The following MS4A4A variants were observed in gnomAD, a reference collection of about 807,000 sequenced individuals.
The protein encoded by MS4A4A is membrane-spanning 4-domains subfamily A member 4A.
In MS4A4A, 26 loss-of-function variants were observed where a neutral mutation model predicts 28.0. The ratio of observed to expected loss-of-function variants is 0.93; its 90% CI spans 0.68 to 1.29. MS4A4A has a LOEUF of 1.29. MS4A4A is among the 50% of genes most tolerant of loss of function. The probability of loss-of-function intolerance (pLI) is 0.00; values close to 1 mark genes in which losing one functional copy is unlikely to be tolerated. For missense variants in MS4A4A, 290 were observed against 293.1 expected (o/e 0.99, Z 0.08); for synonymous variants, 86 against 100.8 (o/e 0.85, Z 0.88).
intron 3 of MS4A4A, 25 bp from the exon 4 acceptor site, chr11:60,300,976 C>A: frequency 6.9e-7 from 1 of 1,443,652 alleles, no homozygotes; most frequent in South Asian, 1.2e-5. Flanking sequence ...AAGTTTTTTA[C>A]CTTCATTTTT....
At position 60,308,940 on chromosome 11, in the gene MS4A4A, G is replaced by A. The variant is rs1048581832; in HGVS notation, c.*762G>A. 6.6e-6 allele frequency: 1 copy of A among 152,096 alleles called. No individual in the cohort carries two copies. The highest frequency in any genetic ancestry group is 1.5e-5 in the Non-Finnish European group (1 of 68,020). 9.4% of individuals were successfully genotyped at this position (152,096 alleles called of 1,614,324 possible). A position where few individuals can be genotyped will look rare whatever the true frequency, so the allele number is the denominator to read the frequency against. ...TTTGTTAAATACGTTTGTTTTTATT[G>A]CAGAGCAAAAATAAATCAAATTAGA... On this transcript the variant is annotated 3_prime_UTR_variant, in exon 7 of 7. Transcript: ENST00000337908.
intron 6 of MS4A4A, 29 bp downstream of exon 6, chr11:60,306,230 C>CTGTATT (rs781754800): frequency 1.3e-6 from 2 of 1,505,412 alleles, no homozygotes; most frequent in Non-Finnish European, 1.8e-6. Flanking sequence ...TTGAAGATGA[C>CTGTATT]TGTATTAGTT....
At chr11:60,305,068 AAGAG>A (rs1057202911) in intron 5 of MS4A4A, among the ~76,000 whole-genome samples, 2 of 152,322 alleles carry the variant, frequency 1.3e-5, no homozygotes, top group East Asian at 3.9e-4. Context: ...TGGAGAGAAA[AAGAG>A]AGAATATTTA....
At chr11:60,298,465 A>G (rs1054916356) in intron 3 of MS4A4A, among the ~76,000 whole-genome samples, 9 of 152,236 alleles carry the variant, frequency 5.9e-5, no homozygotes, top group Non-Finnish European at 1.2e-4. Context: ...AACTCTTACT[A>G]TCATGTGGAC....
At chr11:60,301,343 C>A (rs1372191295) in intron 4 of MS4A4A, among the ~76,000 whole-genome samples, 1 of 152,116 alleles carries the variant, frequency 6.6e-6, no homozygotes, top group Admixed American at 6.5e-5. Flanking sequence ...TCCAACAAAA[C>A]CCTGCAGCAT....
At chr11:60,283,061 A>C (rs541885328) in intron 1 of MS4A4A, among the ~76,000 whole-genome samples, 79 of 152,334 alleles carry the variant, frequency 5.2e-4, no homozygotes, top group African/African-American at 1.9e-3. Context: ...TTGATTGAGC[A>C]TAGAGGGTAG....
intron 6 of MS4A4A, among the ~76,000 whole-genome samples, chr11:60,306,876 A>C (rs752615820): frequency 6.6e-6 from 1 of 152,252 alleles, no homozygotes; most frequent in East Asian, 1.9e-4. Context: ...TCCATGAAAT[A>C]TCATGATCTC....
chr11:60,286,053 T>C (rs10792261), intron 1 of MS4A4A, among the ~76,000 whole-genome samples: 145,445 of 152,230 alleles, frequency 0.96, 69,752 homozygotes, highest in Non-Finnish European at 1. Context: ...GAATGCATTC[T>C]CTTCCCAGGG....
At chr11:60,291,674 TG>T (rs1048006892) in intron 1 of MS4A4A, among the ~76,000 whole-genome samples, 2 of 151,734 alleles carry the variant, frequency 1.3e-5, no homozygotes, top group Admixed American at 1.3e-4. Flanking sequence ...GGCACGCGCC[TG>T]TAGTAACAGC....
intron 1 of MS4A4A, among the ~76,000 whole-genome samples, chr11:60,290,837 T>C (rs1278902323): frequency 6.6e-6 from 1 of 152,122 alleles, no homozygotes; most frequent in Non-Finnish European, 1.5e-5. Context: ...GTATCAAAAA[T>C]AAATACAGGA....
intron 2 of MS4A4A, among the ~76,000 whole-genome samples, chr11:60,294,304 C>T (rs1457231602): frequency 2.6e-5 from 4 of 151,988 alleles, no homozygotes; most frequent in Non-Finnish European, 5.9e-5. Flanking sequence ...TTAATGAGGA[C>T]GTTTATGTTC....
intron 1 of MS4A4A, chr11:60,282,562 T>A: frequency 1.6e-6 from 2 of 1,278,612 alleles, no homozygotes; most frequent in Non-Finnish European, 2.0e-6. Flanking sequence ...GAAGATTAGA[T>A]GATGTGGTGG....
intron 1 of MS4A4A, among the ~76,000 whole-genome samples, chr11:60,286,342 TTAAAG>T (rs1229953836): frequency 1.3e-5 from 2 of 152,116 alleles, no homozygotes; most frequent in African/African-American, 2.4e-5. Flanking sequence ...GATTAAGAAA[TTAAAG>T]TAAAGACAGG....
chr11:60,291,456 T>C (rs541922727), intron 1 of MS4A4A, among the ~76,000 whole-genome samples: 1 of 152,166 alleles, frequency 6.6e-6, no homozygotes, highest in South Asian at 2.1e-4. Context: ...TGCAATACTA[T>C]ACAATAAATT....
intron 1 of MS4A4A, among the ~76,000 whole-genome samples, chr11:60,285,875 A>C (rs992022634): frequency 6.6e-6 from 1 of 152,294 alleles, no homozygotes; most frequent in African/African-American, 2.4e-5. Context: ...CTTAACAGGA[A>C]ACAGGGTTCA....
intron 5 of MS4A4A, among the ~76,000 whole-genome samples, chr11:60,304,855 G>A (rs191104072): frequency 1.3e-3 from 194 of 152,284 alleles, no homozygotes; most frequent in Non-Finnish European, 2.3e-3. Flanking sequence ...GAAGACAGGG[G>A]AATTGTCTGT....
intron 3 of MS4A4A, among the ~76,000 whole-genome samples, chr11:60,300,484 C>T (rs1363071377): frequency 2.6e-5 from 4 of 151,836 alleles, no homozygotes; most frequent in Admixed American, 6.6e-5. Flanking sequence ...AGCGTAGTGG[C>T]GGGCTCCTGT....
intron 1 of MS4A4A, among the ~76,000 whole-genome samples, chr11:60,283,883 C>T (rs968557416): frequency 1.4e-4 from 22 of 152,238 alleles, no homozygotes; most frequent in Non-Finnish European, 2.9e-5. Flanking sequence ...TAAATGCAAA[C>T]CACCTCACAA....
intron 3 of MS4A4A, among the ~76,000 whole-genome samples, chr11:60,298,588 A>C (rs1157360440): frequency 6.6e-6 from 1 of 152,218 alleles, no homozygotes; most frequent in East Asian, 1.9e-4. Context: ...CTAACCCAAC[A>C]TCACAACTGC....
Sources: allele counts gnomAD v4.1 joint callset (sites outside exome capture counted in the v4.1 genomes callset), GRCh38; gene constraint gnomAD v4.1.1; transcripts MANE v1.5; gene names NCBI Gene and HGNC (gene_info 2026-07-23, HGNC 2026-07-21).